ZFPM2: variants seen among roughly 807,000 people sequenced by gnomAD.
ZFPM2 encodes the protein zinc finger protein ZFPM2.
A neutral mutation model predicts 98.6 loss-of-function variants in ZFPM2; 20 were observed. That is an observed-to-expected ratio of 0.20 (90% CI 0.14 to 0.29). The LOEUF is 0.29. ZFPM2 is among the 10% of genes least tolerant of loss of function. The probability of loss-of-function intolerance (pLI) is 1.00; values close to 1 mark genes in which losing one functional copy is unlikely to be tolerated. For synonymous variants in ZFPM2, 518 were observed against 502.7 expected (o/e 1.03, Z -0.41); for missense variants, 1,310 against 1,388.6 (o/e 0.94, Z 0.90).
rs80146048 is a variant in ZFPM2 at position 105,724,586 on chromosome 8, C to T, written c.533-64132C>T. Among the ~76,000 whole-genome samples the T allele has an allele frequency of 3.6e-3, 547 of 151,952 alleles. 4 individuals carry two copies. The highest frequency in any genetic ancestry group is 0.012 in the African/African-American group (509 of 41,506). On this transcript the variant is annotated intron_variant, in intron 5 of 7. Transcript: ENST00000407775. ...CATCACATGGCATTTTAAGCAGATA[C>T]TACCAACACTTCAGCTCAGCACAAT...
chr8:105,343,744 G>C (rs1367847737), intron 1 of ZFPM2, among the ~76,000 whole-genome samples: 1 of 152,116 alleles, frequency 6.6e-6, no homozygotes, highest in Non-Finnish European at 1.5e-5. Flanking sequence ...TTGGAATATA[G>C]GAAGTAATGG....
intron 4 of ZFPM2, among the ~76,000 whole-genome samples, chr8:105,586,696 C>T (rs144728154): frequency 0.019 from 2,838 of 151,992 alleles, 33 homozygotes; most frequent in Non-Finnish European, 0.03. Flanking sequence ...GCTGGGATTA[C>T]AGGCGTGAGC....
intron 5 of ZFPM2, among the ~76,000 whole-genome samples, chr8:105,682,559 G>A (rs2130923456): frequency 6.6e-6 from 1 of 152,298 alleles, no homozygotes; most frequent in South Asian, 2.1e-4. Context: ...AGTTTAACAT[G>A]ATTGGATTTA....
chr8:105,430,638 CCTGTTG>C (rs1812001323), intron 2 of ZFPM2, among the ~76,000 whole-genome samples: 3 of 152,152 alleles, frequency 2.0e-5, no homozygotes, highest in Admixed American at 2.0e-4. Context: ...CAGCCAAGAA[CCTGTTG>C]CTGGCACTAA....
At chr8:105,373,875 T>C (rs1230646342) in intron 1 of ZFPM2, among the ~76,000 whole-genome samples, 1 of 152,198 alleles carries the variant, frequency 6.6e-6, no homozygotes, top group African/African-American at 2.4e-5. Flanking sequence ...AAGCATTTTC[T>C]TTACCTCTGT....
chr8:105,464,477 A>G (rs1295829370), intron 3 of ZFPM2, among the ~76,000 whole-genome samples: 3 of 152,006 alleles, frequency 2.0e-5, no homozygotes, highest in Non-Finnish European at 4.4e-5. Context: ...ACAGTTTTCA[A>G]TTTGTAAGAA....
chr8:105,684,752 G>C (rs1238305078), intron 5 of ZFPM2: 1 of 152,062 alleles, frequency 6.6e-6, no homozygotes, highest in Non-Finnish European at 1.5e-5. Flanking sequence ...TTCCTCATCT[G>C]TATGTATGCA....
intron 5 of ZFPM2, among the ~76,000 whole-genome samples, chr8:105,671,214 A>G (rs1817587828): frequency 6.6e-6 from 1 of 152,028 alleles, no homozygotes; most frequent in Non-Finnish European, 1.5e-5. Context: ...CATAGGAACC[A>G]TGAGTAATTT....
intron 1 of ZFPM2, among the ~76,000 whole-genome samples, chr8:105,382,056 A>G (rs1302926851): frequency 6.6e-6 from 1 of 152,094 alleles, no homozygotes; most frequent in Non-Finnish European, 1.5e-5. Flanking sequence ...TATTTGTCCA[A>G]AACACCTGCT....
At position 105,387,825 on chromosome 8, in the gene ZFPM2, G is replaced by A. The variant is rs139148642; in HGVS notation, c.41-31319G>A. On this transcript the variant is annotated intron_variant, in intron 1 of 7. Transcript: ENST00000407775. ...GGACTCGAGAACGAGCAAGGGCTGC[G>A]AGCGCTGCCAGCACGCTGTCACCTC... 599 of 152,670 alleles carry A rather than the reference G, an allele frequency of 3.9e-3. 1 individual carries two copies. The highest frequency in any genetic ancestry group is 9.5e-3 in the South Asian group (46 of 4,830). The allele number at this position is 152,670 out of a possible 1,614,324, so 9.5% of individuals were successfully genotyped here.
intron 5 of ZFPM2, among the ~76,000 whole-genome samples, chr8:105,648,043 T>A (rs1817086536): frequency 6.6e-6 from 1 of 152,104 alleles, no homozygotes; most frequent in Admixed American, 6.5e-5. Flanking sequence ...GCACCTGTGG[T>A]TTCCTGACTT....
chr8:105,512,555 C>T (rs1813838794), intron 3 of ZFPM2, among the ~76,000 whole-genome samples: 1 of 152,060 alleles, frequency 6.6e-6, no homozygotes, highest in Non-Finnish European at 1.5e-5. Context: ...GTATACATTC[C>T]TTTTTATGCT....
intron 1 of ZFPM2, among the ~76,000 whole-genome samples, chr8:105,335,078 T>C (rs969033037): frequency 2.0e-5 from 3 of 151,862 alleles, no homozygotes; most frequent in South Asian, 2.1e-4. Context: ...GAAAATTAAA[T>C]ATGTTGAATT....
chr8:105,629,794 C>T (rs1816723491), intron 4 of ZFPM2, among the ~76,000 whole-genome samples: 1 of 152,144 alleles, frequency 6.6e-6, no homozygotes, highest in African/African-American at 2.4e-5. Context: ...AGTTTCTGCT[C>T]TCAGTCCCCC....
chr8:105,533,449 A>G (rs1481395783), intron 3 of ZFPM2, among the ~76,000 whole-genome samples: 1 of 152,158 alleles, frequency 6.6e-6, no homozygotes, highest in Non-Finnish European at 1.5e-5. Flanking sequence ...GGCAATCTTC[A>G]GAAAACAATT....
intron 3 of ZFPM2, among the ~76,000 whole-genome samples, chr8:105,471,170 G>A (rs1812896612): frequency 6.6e-6 from 1 of 152,076 alleles, no homozygotes; most frequent in Admixed American, 6.6e-5. Flanking sequence ...TTCCATCTCT[G>A]AATTTTCTTG....
intron 3 of ZFPM2, among the ~76,000 whole-genome samples, chr8:105,496,468 G>C (rs1205961399): frequency 6.6e-6 from 1 of 152,002 alleles, no homozygotes; most frequent in Non-Finnish European, 1.5e-5. Flanking sequence ...ATCATGATTA[G>C]ATTGAAGTTA....
chr8:105,562,530 C>G (rs560485071), intron 4 of ZFPM2, among the ~76,000 whole-genome samples: 28 of 152,190 alleles, frequency 1.8e-4, no homozygotes, highest in African/African-American at 6.5e-4. Context: ...GGGCTAAAAT[C>G]AAGGTGTCTG....
intron 5 of ZFPM2, among the ~76,000 whole-genome samples, chr8:105,657,597 A>C (rs1399619898): frequency 6.6e-6 from 1 of 152,166 alleles, no homozygotes; most frequent in Non-Finnish European, 1.5e-5. Flanking sequence ...ACTTCTATAC[A>C]GGCTGAACTA....
Sources: allele counts gnomAD v4.1 joint callset (sites outside exome capture counted in the v4.1 genomes callset), GRCh38; gene constraint gnomAD v4.1.1; transcripts MANE v1.5; gene names NCBI Gene and HGNC (gene_info 2026-07-23, HGNC 2026-07-21).